Variants in EVI5 observed in about 807,000 individuals in gnomAD.
EVI5 encodes the protein ecotropic viral integration site 5 protein homolog.
In EVI5, 73 loss-of-function variants were observed where a neutral mutation model predicts 112.0. The ratio of observed to expected loss-of-function variants is 0.65; its 90% CI spans 0.54 to 0.79. EVI5 has a LOEUF of 0.79. EVI5 is among the 30% of genes least tolerant of loss of function. The pLI, the probability that EVI5 is intolerant of heterozygous loss-of-function variation, is 0.00. For synonymous variants in EVI5, 305 were observed against 319.9 expected (o/e 0.95, Z 0.50); for missense variants, 900 against 968.8 (o/e 0.93, Z 0.94).
intron 9 of EVI5, among the ~76,000 whole-genome samples, chr1:92,692,093 A>G (rs894921687): frequency 6.6e-6 from 1 of 152,210 alleles, no homozygotes; most frequent in Non-Finnish European, 1.5e-5. Context: ...ACAGTTGTTC[A>G]TATCAGAAGA....
chr1:92,650,790 G>A (rs895748801), intron 13 of EVI5, among the ~76,000 whole-genome samples: 2 of 151,640 alleles, frequency 1.3e-5, no homozygotes, highest in Non-Finnish European at 2.9e-5. Flanking sequence ...AAAATTTTAG[G>A]TGGTTTCCCT....
chr1:92,627,633 A>C lies in EVI5; in HGVS notation c.1528-1699T>G, dbSNP rs1277278495. Among the ~76,000 whole-genome samples, 6 of 152,314 alleles carry C rather than the reference A, an allele frequency of 3.9e-5. No homozygotes were observed. The South Asian group carries it at 1.0e-3, about 26-fold the overall frequency. ...TTCCATAGTGGCAGTACTAGTTTAC[A>C]TTCCCACTAGCAGTGCAGAAGTGTT... On this transcript the variant is annotated intron_variant, in intron 14 of 19. Coordinates refer to ENST00000684568, the MANE Select transcript of EVI5 (RefSeq NM_001350197.2).
chr1:92,681,044 A>G (rs1211547587), intron 9 of EVI5, among the ~76,000 whole-genome samples: 1 of 152,242 alleles, frequency 6.6e-6, no homozygotes, highest in South Asian at 2.1e-4. Context: ...TACAGCATAT[A>G]TTGGTGATAA....
chr1:92,520,766 GC>G (rs1183089830), intron 19 of EVI5, among the ~76,000 whole-genome samples: 2 of 151,534 alleles, frequency 1.3e-5, no homozygotes, highest in Non-Finnish European at 2.9e-5. Context: ...TGGGAGGATT[GC>G]TTGAGCACAG....
intron 2 of EVI5, among the ~76,000 whole-genome samples, chr1:92,720,555 C>T (rs1271701291): frequency 6.6e-6 from 1 of 152,188 alleles, no homozygotes; most frequent in African/African-American, 2.4e-5. Flanking sequence ...AAATGTTAGA[C>T]CTGAACCATA....
chr1:92,530,059 TTC>T (rs1662597694), intron 19 of EVI5, among the ~76,000 whole-genome samples: 1 of 152,180 alleles, frequency 6.6e-6, no homozygotes, highest in Non-Finnish European at 1.5e-5. Context: ...TGTGGATGTA[TTC>T]TCTCTCTTCT....
intron 18 of EVI5, among the ~76,000 whole-genome samples, chr1:92,600,691 G>A (rs1425531181): frequency 6.6e-6 from 1 of 152,134 alleles, no homozygotes; most frequent in Non-Finnish European, 1.5e-5. Flanking sequence ...GTTCACAATA[G>A]GATTCGTGCT....
intron 16 of EVI5, among the ~76,000 whole-genome samples, chr1:92,612,042 T>C (rs1390155879): frequency 6.6e-6 from 1 of 152,102 alleles, no homozygotes; most frequent in Non-Finnish European, 1.5e-5. Context: ...TTTGGAGGTA[T>C]TAAAAGATGT....
chr1:92,602,739 C>G (rs531781773), intron 18 of EVI5, among the ~76,000 whole-genome samples: 1 of 152,054 alleles, frequency 6.6e-6, no homozygotes, highest in East Asian at 1.9e-4. Flanking sequence ...TTTGAATTTT[C>G]TTTTGAAGAT....
chr1:92,715,340 C>A (rs1016997553), intron 2 of EVI5, among the ~76,000 whole-genome samples: 1 of 152,080 alleles, frequency 6.6e-6, no homozygotes, highest in African/African-American at 2.4e-5. Flanking sequence ...TACACACACG[C>A]GACTCAAAAT....
chr1:92,787,975 A>T (rs1195528235), upstream of EVI5, among the ~76,000 whole-genome samples: 1 of 24,780 alleles, frequency 4.0e-5, no homozygotes, highest in Non-Finnish European at 8.0e-5. Context: ...AATTCTAGAA[A>T]AGAAAATTAA....
intron 18 of EVI5, among the ~76,000 whole-genome samples, chr1:92,596,165 TG>T (rs1647800506): frequency 6.6e-6 from 1 of 152,184 alleles, no homozygotes; most frequent in East Asian, 1.9e-4. Flanking sequence ...AATACCAGTC[TG>T]GGGAACATGG....
chr1:92,588,799 G>A (rs1037882429), intron 18 of EVI5, among the ~76,000 whole-genome samples: 1 of 151,992 alleles, frequency 6.6e-6, no homozygotes, highest in African/African-American at 2.4e-5. Context: ...CTTCACATGT[G>A]GGTTTTAAAA....
At chr1:92,547,657 A>C (rs1666000632) in intron 19 of EVI5, among the ~76,000 whole-genome samples, 1 of 152,224 alleles carries the variant, frequency 6.6e-6, no homozygotes, top group Admixed American at 6.5e-5. Context: ...AAAAATGATA[A>C]AGGGGATATC....
At chr1:92,696,630 G>C (rs1670361564) in intron 6 of EVI5, among the ~76,000 whole-genome samples, 1 of 150,624 alleles carries the variant, frequency 6.6e-6, no homozygotes, top group Non-Finnish European at 1.5e-5. Context: ...GAGCTAGATA[G>C]ACTCTGTCTC....
Position 92,636,255 on chromosome 1 carries a change from C to G in EVI5, c.1474G>C (p.Glu492Gln), listed in dbSNP as rs913063746. The G allele has an allele frequency of 6.2e-7, 1 of 1,613,102 alleles. No homozygotes were observed. Among genetic ancestry groups the G allele is most frequent in the Non-Finnish European group, 8.5e-7 (1 of 1,179,076 alleles). Residue 492 changes from glutamate to glutamine, a missense_variant, in exon 14 of 20, where the codon GAG becomes CAG. Transcript: ENST00000684568. ...ATCTCTTTTAATGCACACTGAGACTCAGCTTCACTCAGTCGGGCTTGGACC... is the reference window on the plus strand; with the variant it reads ...ATCTCTTTTAATGCACACTGAGACTGAGCTTCACTCAGTCGGGCTTGGACC... ...ELVQARLSEA[E>Q]SQCALKEMQD...
At chr1:92,517,295 T>TAAAAGTA (rs1660073833) in intron 19 of EVI5, among the ~76,000 whole-genome samples, 1 of 152,230 alleles carries the variant, frequency 6.6e-6, no homozygotes, top group Admixed American at 6.5e-5. Flanking sequence ...TAGAGATGAC[T>TAAAAGTA]CAAAGTATAT....
chr1:92,568,875 G>A (rs1297046636), intron 18 of EVI5, among the ~76,000 whole-genome samples: 2 of 151,922 alleles, frequency 1.3e-5, no homozygotes, highest in African/African-American at 2.4e-5. Context: ...TGTAACATAC[G>A]AAATGTGTTC....
At chr1:92,749,066 CAAAA>C (rs60282362) in intron 1 of EVI5, 148 of 104,414 alleles carry the variant, frequency 1.4e-3, no homozygotes, top group Middle Eastern at 8.1e-3. Flanking sequence ...AACTCTGTCT[CAAAA>C]AAAAAAAAAA....
Sources: allele counts gnomAD v4.1 joint callset (sites outside exome capture counted in the v4.1 genomes callset), GRCh38; gene constraint gnomAD v4.1.1; transcripts MANE v1.5; gene names NCBI Gene and HGNC (gene_info 2026-07-23, HGNC 2026-07-21).